The following RHBDD1 variants were observed in gnomAD, a reference collection of about 807,000 sequenced individuals.
RHBDD1 encodes the protein rhomboid-related protein 4.
Under a neutral mutation model 36.3 loss-of-function variants are expected in RHBDD1, and 38 were observed. The ratio of observed to expected loss-of-function variants is 1.05; its 90% CI spans 0.81 to 1.37. The LOEUF (loss-of-function observed/expected upper bound fraction) is 1.37. Among genes scored for constraint, RHBDD1 ranks in the 40% most tolerant of loss-of-function variants. The pLI is 0.00. For missense variants in RHBDD1, 393 were observed against 377.6 expected (o/e 1.04, Z -0.34); for synonymous variants, 151 against 136.5 (o/e 1.11, Z -0.74).
intron 3 of RHBDD1, among the ~76,000 whole-genome samples, chr2:226,852,901 T>TTTTTTA (rs1553543386): frequency 1.5e-4 from 19 of 125,200 alleles, no homozygotes; most frequent in East Asian, 6.7e-4. Context: ...ACCTGGCTAA[T>TTTTTTA]TTATTATTAT....
chr2:226,815,520 C>T, the RHBDD1 span, among the ~76,000 whole-genome samples: 1 of 151,968 alleles, frequency 6.6e-6, no homozygotes, highest in Admixed American at 6.6e-5. Context: ...CTTCTTAATT[C>T]CTCTAGGTAA....
At chr2:226,815,784 G>C in the RHBDD1 span, among the ~76,000 whole-genome samples, 1 of 152,256 alleles carries the variant, frequency 6.6e-6, no homozygotes, top group East Asian at 1.9e-4. Flanking sequence ...TAAAATTCCA[G>C]TTCCTCAACA....
chr2:226,930,017 A>G (rs111253121), intron 8 of RHBDD1, among the ~76,000 whole-genome samples: 1 of 152,074 alleles, frequency 6.6e-6, no homozygotes, highest in Non-Finnish European at 1.5e-5. Context: ...AGATGATACA[A>G]ACAAACAAAT....
At chr2:226,833,962 G>A (rs1291608297), upstream of RHBDD1, among the ~76,000 whole-genome samples, 5 of 152,048 alleles carry the variant, frequency 3.3e-5, no homozygotes, top group Non-Finnish European at 7.4e-5. Flanking sequence ...TTTTTTAAAA[G>A]GTAGATATTT....
At chr2:226,905,222 C>G (rs969184166) in intron 5 of RHBDD1, among the ~76,000 whole-genome samples, 8 of 151,578 alleles carry the variant, frequency 5.3e-5, no homozygotes, top group African/African-American at 1.9e-4. Context: ...TTGCTGCCCT[C>G]AGGGAGTTTG....
intron 8 of RHBDD1, among the ~76,000 whole-genome samples, chr2:226,938,132 A>G (rs928865456): frequency 2.0e-5 from 3 of 152,090 alleles, no homozygotes; most frequent in Admixed American, 6.6e-5. Context: ...AGTAATAGCC[A>G]TTCTGACTGA....
chr2:226,925,262 C>G (rs542051938), intron 8 of RHBDD1, among the ~76,000 whole-genome samples: 28 of 152,262 alleles, frequency 1.8e-4, no homozygotes, highest in African/African-American at 6.7e-4. Flanking sequence ...GAGAGATGGT[C>G]CAATATTTGT....
chr2:226,864,491 C>G (rs1574858576), intron 3 of RHBDD1, 113 bp from the exon 4 acceptor site: 1 of 560,544 alleles, frequency 1.8e-6, no homozygotes, highest in Admixed American at 3.4e-5. Context: ...ATAAATATTT[C>G]TGTTAGAATG....
intron 1 of RHBDD1, among the ~76,000 whole-genome samples, chr2:226,836,451 G>C (rs939225511): frequency 2.0e-5 from 3 of 152,212 alleles, no homozygotes; most frequent in Admixed American, 6.5e-5. Context: ...CGTTGCATCA[G>C]CAACAGAGCA....
chr2:226,847,245 T>C (rs1942320989), intron 3 of RHBDD1, among the ~76,000 whole-genome samples: 1 of 152,214 alleles, frequency 6.6e-6, no homozygotes, highest in Non-Finnish European at 1.5e-5. Flanking sequence ...TGGAGCAGAA[T>C]GGAGCATACT....
intron 8 of RHBDD1, among the ~76,000 whole-genome samples, chr2:226,928,955 A>C (rs1423744289): frequency 6.6e-6 from 1 of 152,106 alleles, no homozygotes; most frequent in Admixed American, 6.6e-5. Flanking sequence ...TTAATCAGCA[A>C]GAAATAGAAA....
intron 8 of RHBDD1, among the ~76,000 whole-genome samples, chr2:226,981,259 T>C (rs1057085210): frequency 5.3e-5 from 8 of 152,122 alleles, no homozygotes; most frequent in African/African-American, 1.7e-4. Context: ...GAGAAATACC[T>C]AATGTAAATG....
At chr2:226,966,690 T>C (rs548319723) in intron 8 of RHBDD1, among the ~76,000 whole-genome samples, 3 of 152,318 alleles carry the variant, frequency 2.0e-5, no homozygotes, top group African/African-American at 7.2e-5. Context: ...ATCTAGAGCA[T>C]TGGTTCTAAA....
chr2:226,986,065 A>G (rs1956873469), intron 8 of RHBDD1, among the ~76,000 whole-genome samples: 1 of 151,676 alleles, frequency 6.6e-6, no homozygotes, highest in Non-Finnish European at 1.5e-5. Flanking sequence ...CCTCTATGGT[A>G]TTCTTCACCA....
chr2:226,927,720 T>G (rs925110193), intron 8 of RHBDD1, among the ~76,000 whole-genome samples: 2 of 152,132 alleles, frequency 1.3e-5, no homozygotes, highest in South Asian at 4.1e-4. Context: ...TGACTAATGA[T>G]GTTTCTGTTT....
chr2:226,851,617 C>T (rs1038091510), intron 3 of RHBDD1, among the ~76,000 whole-genome samples: 1 of 152,100 alleles, frequency 6.6e-6, no homozygotes, highest in South Asian at 2.1e-4. Flanking sequence ...CCCTGCACCT[C>T]GCTCACCACT....
chr2:226,902,436 T>C (rs1282274400), intron 5 of RHBDD1, among the ~76,000 whole-genome samples: 2 of 152,174 alleles, frequency 1.3e-5, no homozygotes, highest in African/African-American at 4.8e-5. Context: ...CCAGTTCAGT[T>C]TTCTCCCTGT....
At chr2:226,868,389 A>G (rs1219872438) in intron 5 of RHBDD1, among the ~76,000 whole-genome samples, 2 of 152,174 alleles carry the variant, frequency 1.3e-5, no homozygotes, top group Non-Finnish European at 1.5e-5. Flanking sequence ...CTGCCCATTC[A>G]TGCTGCACTT....
the RHBDD1 span, among the ~76,000 whole-genome samples, chr2:226,826,948 T>C: frequency 6.6e-6 from 1 of 152,050 alleles, no homozygotes; most frequent in African/African-American, 2.4e-5. Context: ...TGTTAATAGA[T>C]TACATTTAAA....
Sources: gnomAD v4.1 joint callset for allele counts (sites outside exome capture counted in the v4.1 genomes callset) on GRCh38, gnomAD v4.1.1 for gene constraint, MANE v1.5 for transcripts, NCBI Gene and HGNC (gene_info 2026-07-23, HGNC 2026-07-21) for gene names.